The following SMARCC2 variants were observed in gnomAD, a reference collection of about 807,000 sequenced individuals.
SMARCC2 encodes SWI/SNF complex subunit SMARCC2.
SMARCC2 carries 15 observed loss-of-function variants against 151.3 expected under a neutral mutation model. The ratio of observed to expected loss-of-function variants is 0.10; its 90% CI spans 0.07 to 0.15. The LOEUF is 0.15. SMARCC2 is among the 10% of genes least tolerant of loss of function. SMARCC2 has a pLI of 1.00. For synonymous variants in SMARCC2, 590 were observed against 609.5 expected, an observed-to-expected ratio of 0.97 and a Z score of 0.47; for missense variants, 1,031 against 1,599.7, an observed-to-expected ratio of 0.64 and a Z score of 6.06.
intron 1 of SMARCC2, among the ~76,000 whole-genome samples, chr12:56,187,805 T>C (rs1371325149): frequency 4.6e-5 from 7 of 152,144 alleles, no homozygotes. Flanking sequence ...AGCTTGTGCA[T>C]TTTGCTTCTG....
chr12:56,162,935 C>T lies in SMARCC2; in HGVS notation c.*754G>A, dbSNP rs1413283073. 1.3e-5 allele frequency: 2 copies of T among 152,298 alleles called. No individual in the cohort carries two copies. The highest frequency in any genetic ancestry group is 4.8e-5 in the African/African-American group (2 of 41,406). 9.4% of individuals were successfully genotyped at this position (152,298 alleles called of 1,614,324 possible). A position where few individuals can be genotyped will look rare whatever the true frequency, so the allele number is the denominator to read the frequency against. ...TCTCCTATTACCTACCACAGAAATC[C>T]CCGAAATTAGGTTTTCCCCACCAAA... On this transcript the variant is annotated 3_prime_UTR_variant, in exon 29 of 29. Transcript: ENST00000550164.
Position 56,184,053 on chromosome 12 carries a change from A to G in SMARCC2, c.562+122T>C, listed in dbSNP as rs914698664. The G allele has an allele frequency of 3.0e-6, 3 of 1,009,658 alleles. No individual in the cohort carries two copies. In the African/African-American group the frequency reaches 4.8e-5, roughly 16 times the overall value. The allele number at this position is 1,009,658 out of a possible 1,614,324, so 62.5% of individuals were successfully genotyped here. ...CAGGGGACTTGGTAATAGGAACTTA[A>G]GGTGGTAAGAGGATTCAAGATTGAA... On this transcript the variant is annotated intron_variant, in intron 6 of 28. Coordinates refer to ENST00000550164, the MANE Select transcript of SMARCC2 (RefSeq NM_001330288.2).
chr12:56,172,527 C>G (rs1052479488), intron 19 of SMARCC2, 37 bp from the exon 20 acceptor site: 4 of 1,610,966 alleles, frequency 2.5e-6, no homozygotes, highest in Non-Finnish European at 3.4e-6. Flanking sequence ...AAGAAAGGAG[C>G]CTGTGACCTC....
intron 23 of SMARCC2, 34 bp downstream of exon 23, chr12:56,170,110 G>T: frequency 6.3e-7 from 1 of 1,581,876 alleles, no homozygotes; most frequent in Non-Finnish European, 8.7e-7. Context: ...AGTGCTGCAC[G>T]CAGCCCCTGC....
At chr12:56,165,768 G>C in intron 26 of SMARCC2, 69 bp from the exon 27 acceptor site, 1 of 1,469,494 alleles carries the variant, frequency 6.8e-7, no homozygotes, top group South Asian at 1.1e-5. Flanking sequence ...CTCAACCCCT[G>C]CTTTGTCTTC....
At chr12:56,178,618 G>A in intron 13 of SMARCC2, 84 bp from the exon 14 acceptor site, 1 of 1,586,732 alleles carries the variant, frequency 6.3e-7, no homozygotes, top group South Asian at 1.1e-5. Flanking sequence ...CCAGGAATGT[G>A]GACACTAAAG....
chr12:56,172,542 GAGCGAACAT>G (rs1421945647), intron 19 of SMARCC2, 34 bp downstream of exon 19: 1 of 1,613,248 alleles, frequency 6.2e-7, no homozygotes, highest in Admixed American at 1.7e-5. Context: ...GACCTCTGAG[GAGCGAACAT>G]TCTCTACCCC....
chr12:56,168,024 A>G (rs1362068885), intron 26 of SMARCC2, 36 bp downstream of exon 26: 1 of 1,609,154 alleles, frequency 6.2e-7, no homozygotes, highest in Non-Finnish European at 8.5e-7. Flanking sequence ...AAACTGAGGC[A>G]CAGCGCAGCA....
intron 6 of SMARCC2, 82 bp downstream of exon 6, chr12:56,184,093 C>T: frequency 8.8e-7 from 1 of 1,131,682 alleles, no homozygotes. Context: ...GAGGAGGAGC[C>T]CAGGTACTGA....
intron 20 of SMARCC2, 92 bp downstream of exon 20, chr12:56,172,336 C>G: frequency 1.7e-6 from 2 of 1,160,810 alleles, no homozygotes; most frequent in Non-Finnish European, 2.4e-6. Context: ...CCTGCCTTGG[C>G]CTCCCAAAGT....
chr12:56,185,899 G>A (rs1291821389), intron 3 of SMARCC2: 1 of 505,534 alleles, frequency 2.0e-6, no homozygotes, highest in African/African-American at 1.9e-5. Flanking sequence ...TACTTCAAAG[G>A]GACAAAAAAA....
rs773049841 is a variant in SMARCC2, at chr12:56,171,899, G to A, written c.1965C>T (p.Ser655=). ...EMYKDDWNKV[S]EHVGSRTQDE... The stretch of plus-strand genomic sequence containing the variant: ...CCTGTGTGCGGCTTCCCACATGCTC[G>A]GACACTTTGTTCCAGTCATCTTTGT... The change falls in exon 21 of 29, where the codon TCC becomes TCT. Residue 655 remains serine (S), a synonymous_variant. Transcript: ENST00000550164. This position sits in a 1 kb window ranked among gnomAD's most constrained non-coding sequence, Gnocchi z 4.2. 2.5e-6 allele frequency: 4 copies of A among 1,612,974 alleles called. No homozygotes were observed. The highest frequency in any genetic ancestry group is 1.3e-5 in the African/African-American group (1 of 74,888).
At chr12:56,168,681 AAAATT>A (rs1873323885) in intron 25 of SMARCC2, among the ~76,000 whole-genome samples, 1 of 152,104 alleles carries the variant, frequency 6.6e-6, no homozygotes, top group South Asian at 2.1e-4. Context: ...GCCTTTTTAA[AAAATT>A]AAATTATTTT....
intron 15 of SMARCC2, among the ~76,000 whole-genome samples, chr12:56,177,041 G>A (rs1028774323): frequency 1.3e-5 from 2 of 151,926 alleles, no homozygotes; most frequent in East Asian, 1.9e-4. Flanking sequence ...GGCTGAGCTC[G>A]AACTCCTGAC....
At position 56,177,584 on chromosome 12, in the gene SMARCC2, A is replaced by C. The variant is rs955712692; in HGVS notation, c.1382+438T>G. 3.3e-5 allele frequency among the ~76,000 whole-genome samples: 5 copies of C among 152,074 alleles called. No homozygotes were observed. The East Asian group carries it at 9.6e-4, about 29-fold the overall frequency. On this transcript the variant is annotated intron_variant, in intron 15 of 28. Coordinates refer to ENST00000550164, the MANE Select transcript of SMARCC2 (RefSeq NM_001330288.2). ...TCCCAGTGAGCCCTCTCCATCCCTTAATTTATATAAACTGGTCTTCTATTA... is the reference window on the plus strand; with the variant it reads ...TCCCAGTGAGCCCTCTCCATCCCTTCATTTATATAAACTGGTCTTCTATTA...
chr12:56,178,872 A>C (rs374421207), intron 12 of SMARCC2, 25 bp from the exon 13 acceptor site: 11 of 1,613,654 alleles, frequency 6.8e-6, no homozygotes, highest in Admixed American at 3.3e-5. Flanking sequence ...CCAAGATGTA[A>C]GGCTGGAGCC....
intron 22 of SMARCC2, among the ~76,000 whole-genome samples, chr12:56,170,435 GTTTTTTT>G (rs770722439): frequency 2.9e-4 from 44 of 150,794 alleles, no homozygotes; most frequent in Middle Eastern, 6.8e-3. Flanking sequence ...TTTGTTTTTT[GTTTTTTT>G]GTGACAGGGT....
At position 56,171,541 on chromosome 12, in the gene SMARCC2, G is replaced by T; in HGVS notation, c.2186-109C>A. 1.3e-6 allele frequency: 2 copies of T among 1,519,966 alleles called. No individual in the cohort carries two copies. Among genetic ancestry groups the T allele is most frequent in the Non-Finnish European group, 1.8e-6 (2 of 1,113,178 alleles). The allele number at this position is 1,519,966 out of a possible 1,614,324, so 94.2% of individuals were successfully genotyped here. On this transcript the variant is annotated intron_variant, in intron 21 of 28. Coordinates refer to ENST00000550164, the MANE Select transcript of SMARCC2 (RefSeq NM_001330288.2). This position sits in a 1 kb window ranked among gnomAD's most constrained non-coding sequence, Gnocchi z 4.2. ...ATGTCTTCATCTAAGCTAGTATGGA[G>T]CCTAGACAGGTGCCTGAGCTGAGGC...
chr12:56,172,044 TG>T (rs1874045772), intron 20 of SMARCC2, 107 bp from the exon 21 acceptor site: 2 of 996,338 alleles, frequency 2.0e-6, no homozygotes, highest in Non-Finnish European at 3.0e-6. Flanking sequence ...CTCTATGTTC[TG>T]GTATTTGTGT....
Sources: gnomAD v4.1 joint callset for allele counts (sites outside exome capture counted in the v4.1 genomes callset) on GRCh38, gnomAD v4.1.1 for gene constraint, Gnocchi (gnomAD v3.1) non-coding constraint, MANE v1.5 for transcripts, NCBI Gene and HGNC (gene_info 2026-07-23, HGNC 2026-07-21) for gene names.